Variants in CRADD observed in about 807,000 individuals in gnomAD.
CRADD encodes death domain-containing protein CRADD.
A neutral mutation model predicts 15.5 loss-of-function variants in CRADD; 9 were observed. That is an observed-to-expected ratio of 0.58 (90% CI 0.35 to 1.01). The LOEUF (loss-of-function observed/expected upper bound fraction) is 1.01. CRADD is among the 50% of genes least tolerant of loss of function. CRADD has a pLI of 0.02. For synonymous variants in CRADD, 118 were observed against 107.6 expected (o/e 1.10, Z -0.60); for missense variants, 227 against 250.3 (o/e 0.91, Z 0.63).
chr12:93,785,623 G>T (rs1029546748), intron 2 of CRADD, among the ~76,000 whole-genome samples: 3 of 152,186 alleles, frequency 2.0e-5, no homozygotes, highest in African/African-American at 7.2e-5. Flanking sequence ...TTTGGCAAAT[G>T]AAAGAAAATA....
chr12:93,845,563 A>AATATATATAT (rs757508123), intron 2 of CRADD, among the ~76,000 whole-genome samples: 2 of 71,398 alleles, frequency 2.8e-5, no homozygotes, highest in African/African-American at 1.3e-4. Flanking sequence ...GTCTCTATTA[A>AATATATATAT]ATATATATAT....
intron 2 of CRADD, among the ~76,000 whole-genome samples, chr12:93,888,125 G>A (rs10859608): frequency 0.59 from 89,040 of 152,060 alleles, 26,392 homozygotes; most frequent in African/African-American, 0.61. Context: ...TGGACAGACT[G>A]TTAAGGATAG....
chr12:93,863,522 T>C (rs1958334636), intron 2 of CRADD, among the ~76,000 whole-genome samples: 1 of 151,840 alleles, frequency 6.6e-6, no homozygotes, highest in Non-Finnish European at 1.5e-5. Flanking sequence ...TGTTTAGCAA[T>C]AGTTCCCAGT....
chr12:93,851,723 G>C (rs947671161), downstream of CRADD, among the ~76,000 whole-genome samples: 1 of 152,112 alleles, frequency 6.6e-6, no homozygotes, highest in African/African-American at 2.4e-5. Flanking sequence ...CTTTACAATG[G>C]GGCCAGTCTG....
At chr12:93,848,127 C>T (rs1214916515) in intron 2 of CRADD, among the ~76,000 whole-genome samples, 4 of 151,520 alleles carry the variant, frequency 2.6e-5, no homozygotes, top group Non-Finnish European at 5.9e-5. Context: ...TTCTTTTCTT[C>T]TTTGCGCTGT....
chr12:93,750,461 A>G (rs1418984449), intron 2 of CRADD, among the ~76,000 whole-genome samples: 1 of 152,216 alleles, frequency 6.6e-6, no homozygotes, highest in African/African-American at 2.4e-5. Flanking sequence ...GGTAGAAAAG[A>G]TAACTCTAAA....
At chr12:93,885,163 A>G (rs1958527479) in intron 2 of CRADD, among the ~76,000 whole-genome samples, 1 of 152,230 alleles carries the variant, frequency 6.6e-6, no homozygotes, top group Non-Finnish European at 1.5e-5. Context: ...GCCTGTTTCC[A>G]AGAAACCATG....
chr12:93,811,227 T>C lies in CRADD; in HGVS notation c.299-38743T>C, dbSNP rs1461673505. On this transcript the variant is annotated intron_variant, in intron 2 of 2. Coordinates refer to ENST00000332896, the MANE Select transcript of CRADD (RefSeq NM_003805.5). ...GTCTTTGCCTACAGCTAGAGTTGCA[T>C]TGAGGCATGACTACTTCTAGTGCCT... 5.3e-5 allele frequency among the ~76,000 whole-genome samples: 8 copies of C among 152,346 alleles called. No individual in the cohort carries two copies. In the South Asian group the frequency reaches 1.0e-3, roughly 20 times the overall value.
chr12:93,872,162 A>G (rs1304886890), intron 2 of CRADD, among the ~76,000 whole-genome samples: 1 of 152,184 alleles, frequency 6.6e-6, no homozygotes, highest in African/African-American at 2.4e-5. Flanking sequence ...CTGATGATCA[A>G]TAATGTTGAG....
intron 2 of CRADD, among the ~76,000 whole-genome samples, chr12:93,769,632 GT>G (rs1230967739): frequency 1.3e-5 from 2 of 152,182 alleles, no homozygotes; most frequent in African/African-American, 4.8e-5. Context: ...AGTTACTGTT[GT>G]TCCTTATCTT....
chr12:93,864,629 T>A (rs1325451419), intron 2 of CRADD, among the ~76,000 whole-genome samples: 1 of 152,218 alleles, frequency 6.6e-6, no homozygotes, highest in Non-Finnish European at 1.5e-5. Flanking sequence ...GAAATGTAGC[T>A]CTCTGAGGGC....
At chr12:93,732,396 G>A (rs1246518172) in intron 2 of CRADD, among the ~76,000 whole-genome samples, 2 of 152,206 alleles carry the variant, frequency 1.3e-5, no homozygotes, top group African/African-American at 4.8e-5. Context: ...GAAAACACTT[G>A]TATTGAAAAC....
At chr12:93,685,681 G>A (rs1955411736) in intron 2 of CRADD, among the ~76,000 whole-genome samples, 1 of 152,168 alleles carries the variant, frequency 6.6e-6, no homozygotes, top group Non-Finnish European at 1.5e-5. Context: ...GTAGAAATGT[G>A]TCAACATAAA....
intron 2 of CRADD, among the ~76,000 whole-genome samples, chr12:93,701,959 T>G (rs942635397): frequency 8.1e-5 from 12 of 148,366 alleles, no homozygotes; most frequent in African/African-American, 3.0e-4. Flanking sequence ...TCATCTGGGA[T>G]TTTTTTTTTT....
chr12:93,823,868 C>T (rs989548151), intron 2 of CRADD, among the ~76,000 whole-genome samples: 1 of 152,052 alleles, frequency 6.6e-6, no homozygotes, highest in Non-Finnish European at 1.5e-5. Context: ...AGAAGGAACT[C>T]GAATCATTAA....
intron 2 of CRADD, among the ~76,000 whole-genome samples, chr12:93,798,334 TTG>T (rs1211008307): frequency 6.6e-6 from 1 of 152,194 alleles, no homozygotes; most frequent in Non-Finnish European, 1.5e-5. Context: ...TTCTCGGTTT[TTG>T]TGTTTTTTTC....
At chr12:93,706,531 G>C (rs1955956068) in intron 2 of CRADD, among the ~76,000 whole-genome samples, 1 of 152,184 alleles carries the variant, frequency 6.6e-6, no homozygotes, top group African/African-American at 2.4e-5. Context: ...GGTAGTCGGG[G>C]AGAGGGAGGA....
intron 2 of CRADD, among the ~76,000 whole-genome samples, chr12:93,730,713 T>C (rs549303041): frequency 6.6e-6 from 1 of 151,462 alleles, no homozygotes; most frequent in African/African-American, 2.4e-5. Flanking sequence ...TTGACCTTCA[T>C]TTACTTTTTT....
chr12:93,781,773 A>G (rs1447362634), intron 2 of CRADD, among the ~76,000 whole-genome samples: 1 of 152,244 alleles, frequency 6.6e-6, no homozygotes, highest in Admixed American at 6.5e-5. Context: ...CATGCTAAAC[A>G]CCACTACAAG....
Sources: gnomAD v4.1 joint callset for allele counts (sites outside exome capture counted in the v4.1 genomes callset) on GRCh38, gnomAD v4.1.1 for gene constraint, MANE v1.5 for transcripts, NCBI Gene and HGNC (gene_info 2026-07-23, HGNC 2026-07-21) for gene names.